Variants in ROBO1 observed in about 807,000 individuals in gnomAD.
ROBO1 encodes the protein roundabout homolog 1.
Under a neutral mutation model 195.9 loss-of-function variants are expected in ROBO1, and 149 were observed. The ratio of observed to expected loss-of-function variants is 0.76; its 90% CI spans 0.67 to 0.87. The LOEUF is 0.87. Ranked by LOEUF, ROBO1 falls within the 40% of genes least tolerant of loss-of-function variation. The pLI, the probability that ROBO1 is intolerant of heterozygous loss-of-function variation, is 0.00. For synonymous variants in ROBO1, 816 were observed against 733.2 expected (o/e 1.11, Z -1.82); for missense variants, 1,933 against 2,068.3 (o/e 0.93, Z 1.27).
chr3:78,723,685 G>A (rs1156268545), intron 5 of ROBO1, among the ~76,000 whole-genome samples: 2 of 151,958 alleles, frequency 1.3e-5, no homozygotes, highest in East Asian at 1.9e-4. Context: ...TGTGGGGGGC[G>A]ATGCTACTGG....
At chr3:79,341,631 AC>A (rs1180954160) in intron 2 of ROBO1, among the ~76,000 whole-genome samples, 1 of 152,066 alleles carries the variant, frequency 6.6e-6, no homozygotes, top group African/African-American at 2.4e-5. Flanking sequence ...GGTGGGACCC[AC>A]TGTGCCTGGC....
intron 3 of ROBO1, among the ~76,000 whole-genome samples, chr3:78,982,172 G>A (rs1012711101): frequency 6.6e-6 from 1 of 151,982 alleles, no homozygotes; most frequent in East Asian, 1.9e-4. Context: ...GTGTTCTTTC[G>A]GCTCACTGAT....
At chr3:79,719,880 T>G (rs1702630747) in intron 1 of ROBO1, among the ~76,000 whole-genome samples, 1 of 152,200 alleles carries the variant, frequency 6.6e-6, no homozygotes, top group African/African-American at 2.4e-5. Flanking sequence ...AATATTGTGC[T>G]ATTAAATCAT....
rs78204123 is a variant in ROBO1 at position 78,725,159 on chromosome 3, C to T, written c.658-7276G>A. Among the ~76,000 whole-genome samples the T allele has an allele frequency of 5.9e-5, 9 of 152,230 alleles. No homozygotes were observed. The East Asian group carries it at 1.7e-3, about 30-fold the overall frequency. On this transcript the variant is annotated intron_variant, in intron 5 of 30. Transcript: ENST00000464233. ...CCTTACCAGCCCACAATAGTAACCA[C>T]ATTAGAAGCCCACATTTCCATAAGC...
intron 2 of ROBO1, among the ~76,000 whole-genome samples, chr3:79,348,210 C>CAAAAA (rs71127380): frequency 4.1e-5 from 3 of 72,946 alleles, no homozygotes; most frequent in Non-Finnish European, 8.5e-5. Flanking sequence ...GACTCCATCT[C>CAAAAA]AAAAAAAAAA....
At chr3:78,891,521 G>C (rs2036894552) in intron 4 of ROBO1, among the ~76,000 whole-genome samples, 1 of 152,132 alleles carries the variant, frequency 6.6e-6, no homozygotes. Context: ...AATCACTTTG[G>C]AAAACTGTCT....
chr3:78,836,325 A>T (rs2032710516), intron 4 of ROBO1, among the ~76,000 whole-genome samples: 1 of 152,002 alleles, frequency 6.6e-6, no homozygotes, highest in South Asian at 2.1e-4. Flanking sequence ...ATCCTGGCTA[A>T]CACGGTGAAA....
intron 1 of ROBO1, among the ~76,000 whole-genome samples, chr3:79,730,001 C>A (rs1242860522): frequency 6.6e-6 from 1 of 152,122 alleles, no homozygotes; most frequent in Non-Finnish European, 1.5e-5. Flanking sequence ...TTGCTAAATT[C>A]ATTAGAGAGA....
chr3:79,278,304 G>C (rs1419569868), intron 2 of ROBO1, among the ~76,000 whole-genome samples: 1 of 151,976 alleles, frequency 6.6e-6, no homozygotes, highest in East Asian at 1.9e-4. Flanking sequence ...CACATACATG[G>C]AAAGAGAATC....
rs1251063459 is a variant in ROBO1, at chr3:78,685,919, T to C, written c.1171-2A>G. On this transcript the variant is annotated splice_acceptor_variant, in intron 9 of 30. Transcript: ENST00000464233. LOFTEE classifies it high-confidence loss of function. Reference sequence around the variant, plus strand: ...TGGTTGATATGAGAAAAGTAGATTCTAGAACCCAGAAATTGGGATGGAGGA... The same window carrying C: ...TGGTTGATATGAGAAAAGTAGATTCCAGAACCCAGAAATTGGGATGGAGGA... 6.4e-7 allele frequency: 1 copy of C among 1,563,682 alleles called. No individual in the cohort carries two copies. Among genetic ancestry groups the C allele is most frequent in the Non-Finnish European group, 8.7e-7 (1 of 1,149,850 alleles).
At chr3:78,666,593 G>A (rs765956887) in intron 14 of ROBO1, among the ~76,000 whole-genome samples, 9 of 152,162 alleles carry the variant, frequency 5.9e-5, no homozygotes, top group Admixed American at 2.0e-4. Context: ...CCTTAAGGCA[G>A]GCTGCAAGTA....
chr3:79,484,785 C>A (rs1029032294), intron 2 of ROBO1, among the ~76,000 whole-genome samples: 1 of 7,888 alleles, frequency 1.3e-4, no homozygotes, highest in African/African-American at 3.8e-4. Context: ...GACAGAGTCT[C>A]GCTCTGTCAC....
intron 3 of ROBO1, among the ~76,000 whole-genome samples, chr3:79,072,806 T>C (rs968389136): frequency 6.6e-6 from 1 of 151,924 alleles, no homozygotes; most frequent in Non-Finnish European, 1.5e-5. Flanking sequence ...TTGTATTAAT[T>C]TTCTCTCCCA....
intron 1 of ROBO1, among the ~76,000 whole-genome samples, chr3:79,595,614 C>G (rs1291267580): frequency 2.6e-5 from 4 of 151,932 alleles, no homozygotes; most frequent in Admixed American, 2.6e-4. Context: ...CTATTGCAAC[C>G]TTTAACTCCA....
At chr3:79,282,974 G>T (rs564415001) in intron 2 of ROBO1, among the ~76,000 whole-genome samples, 1 of 152,152 alleles carries the variant, frequency 6.6e-6, no homozygotes, top group Non-Finnish European at 1.5e-5. Context: ...TTTCTAAAGG[G>T]AAGTTGCTGC....
intron 1 of ROBO1, among the ~76,000 whole-genome samples, chr3:79,738,014 A>C (rs1259303362): frequency 6.6e-6 from 1 of 152,134 alleles, no homozygotes; most frequent in East Asian, 1.9e-4. Flanking sequence ...GATCCCTTTG[A>C]GGAGTGACAA....
chr3:78,876,422 T>C (rs930319878), intron 4 of ROBO1, among the ~76,000 whole-genome samples: 2 of 152,162 alleles, frequency 1.3e-5, no homozygotes, highest in African/African-American at 4.8e-5. Flanking sequence ...GATTGTCGTA[T>C]AGTCTATTAA....
At chr3:78,981,466 CAT>C in intron 3 of ROBO1, among the ~76,000 whole-genome samples, 1 of 152,172 alleles carries the variant, frequency 6.6e-6, no homozygotes, top group South Asian at 2.1e-4. Context: ...TGGTAAAAAA[CAT>C]AATATGAAAT....
At chr3:78,918,331 A>G (rs1250662049) in intron 4 of ROBO1, among the ~76,000 whole-genome samples, 1 of 152,160 alleles carries the variant, frequency 6.6e-6, no homozygotes, top group Non-Finnish European at 1.5e-5. Context: ...TGGAATGTCT[A>G]TGGTCTATAA....
Sources: allele counts gnomAD v4.1 joint callset (sites outside exome capture counted in the v4.1 genomes callset), GRCh38; gene constraint gnomAD v4.1.1; transcripts MANE v1.5; gene names NCBI Gene and HGNC (gene_info 2026-07-23, HGNC 2026-07-21).